The following P2RX4 variants were observed in gnomAD, a reference collection of about 807,000 sequenced individuals.
P2RX4 encodes P2X purinoceptor 4.
P2RX4 carries 37 observed loss-of-function variants against 48.0 expected under a neutral mutation model. That is an observed-to-expected ratio of 0.77 (90% confidence interval 0.59 to 1.01). The LOEUF (loss-of-function observed/expected upper bound fraction) is 1.01, where lower values mean the gene tolerates loss of function less well. Among genes scored for constraint, P2RX4 ranks in the 50% least tolerant of loss-of-function variants. P2RX4 has a pLI of 0.00. For synonymous variants in P2RX4, 200 were observed against 199.7 expected, an observed-to-expected ratio of 1.00 and a Z score of -0.01; for missense variants, 501 against 521.4, an observed-to-expected ratio of 0.96 and a Z score of 0.38.
rs550915688 is a variant in P2RX4, at chr12:121,232,905, T to G, written c.1045-92T>G. ...GAGTGCCTTTCCATTCCGGTAAAGATTCCAGGCTTCTCAGGAAGGGGCACG... is the reference window on the plus strand; with the variant it reads ...GAGTGCCTTTCCATTCCGGTAAAGAGTCCAGGCTTCTCAGGAAGGGGCACG... On this transcript the variant is annotated intron_variant, in intron 10 of 11. Coordinates refer to ENST00000337233, the MANE Select transcript of P2RX4 (RefSeq NM_002560.3). The surrounding 1 kb of genome is among the most constrained non-coding windows in gnomAD (Gnocchi z 4.3). The G allele has an allele frequency of 5.1e-6, 5 of 977,164 alleles. No individual in the cohort carries two copies. Among genetic ancestry groups the G allele is most frequent in the African/African-American group, 4.8e-5 (3 of 62,894 alleles). 60.5% of individuals were successfully genotyped at this position (977,164 alleles called of 1,614,324 possible).
intron 5 of P2RX4, among the ~76,000 whole-genome samples, chr12:121,225,962 G>A (rs1005922702): frequency 3.3e-5 from 5 of 151,456 alleles, no homozygotes; most frequent in Non-Finnish European, 4.4e-5. Context: ...CTGCAGCTTC[G>A]AACTCCTGGA....
At chr12:121,228,235 CA>C (rs957066775) in intron 5 of P2RX4, among the ~76,000 whole-genome samples, 1 of 151,344 alleles carries the variant, frequency 6.6e-6, no homozygotes, top group African/African-American at 2.4e-5. Context: ...ACTAAAAATA[CA>C]AAAAAAGTTA....
At chr12:121,217,382 C>G in intron 2 of P2RX4, 101 bp downstream of exon 2, 1 of 1,152,584 alleles carries the variant, frequency 8.7e-7, no homozygotes, top group South Asian at 1.3e-5. Context: ...CCTGACATCA[C>G]CAATGCCCAG....
chr12:121,230,970 T>TTA (rs56678017), intron 8 of P2RX4, among the ~76,000 whole-genome samples: 3,814 of 70,944 alleles, frequency 0.054, 78 homozygotes, highest in Non-Finnish European at 0.061. Flanking sequence ...TATATAGCCA[T>TTA]TATATATATA....
intron 8 of P2RX4, among the ~76,000 whole-genome samples, chr12:121,230,310 G>A: frequency 6.6e-6 from 1 of 152,236 alleles, no homozygotes; most frequent in Non-Finnish European, 1.5e-5. Context: ...TTGAGCCAGG[G>A]AGGCAGAGGT....
intron 2 of P2RX4, among the ~76,000 whole-genome samples, chr12:121,221,120 G>A (rs937441224): frequency 4.0e-5 from 6 of 151,502 alleles, no homozygotes; most frequent in Admixed American, 1.3e-4. Flanking sequence ...ACAGGTGCCC[G>A]CCACCACACC....
chr12:121,233,191 T>C, intron 11 of P2RX4, 99 bp downstream of exon 11: 2 of 820,428 alleles, frequency 2.4e-6, no homozygotes, highest in East Asian at 4.8e-5. Flanking sequence ...CTGCAGAGGC[T>C]GGCACCAGTG....
chr12:121,217,085 A>G, intron 1 of P2RX4, 49 bp from the exon 2 acceptor site: 4 of 1,591,580 alleles, frequency 2.5e-6, no homozygotes, highest in Non-Finnish European at 3.4e-6. Flanking sequence ...CATCAATTCA[A>G]ATCCATTGAA....
intron 1 of P2RX4, chr12:121,212,812 A>ATTTTTTTTTTTTTT (rs1374819479): frequency 3.0e-5 from 1 of 33,020 alleles, no homozygotes; most frequent in African/African-American, 1.4e-4. Context: ...ATATATATAT[A>ATTTTTTTTTTTTTT]TATATATATA....
chr12:121,225,592 T>TA, intron 5 of P2RX4, among the ~76,000 whole-genome samples: 1 of 151,882 alleles, frequency 6.6e-6, no homozygotes, highest in East Asian at 2.0e-4. Flanking sequence ...TTTGTATTTT[T>TA]AGTAGAGAGG....
intron 5 of P2RX4, among the ~76,000 whole-genome samples, chr12:121,225,690 C>T (rs539033378): frequency 3.0e-4 from 45 of 152,154 alleles, no homozygotes; most frequent in African/African-American, 9.9e-4. Context: ...GGATTGCACG[C>T]GTGAGTCACC....
At chr12:121,212,136 G>A (rs940949703) in intron 1 of P2RX4, among the ~76,000 whole-genome samples, 2 of 152,196 alleles carry the variant, frequency 1.3e-5, no homozygotes, top group Non-Finnish European at 1.5e-5. Flanking sequence ...AGATCCCCCC[G>A]TCTTTGGGGT....
intron 1 of P2RX4, chr12:121,212,791 AATATATATATATATATATAT>A (rs779333692): frequency 1.7e-5 from 1 of 60,474 alleles, no homozygotes; most frequent in Non-Finnish European, 2.8e-5. Context: ...CTCCATCTCA[AATATATATATATATATATAT>A]ATATATATAT....
chr12:121,228,682 G>A (rs749741944), intron 6 of P2RX4, 43 bp from the exon 7 acceptor site: 2 of 1,613,530 alleles, frequency 1.2e-6, no homozygotes, highest in Admixed American at 3.3e-5. Context: ...TCTCTTCTCT[G>A]AGGTTTTCGT....
rs754441395 is a variant in P2RX4 at position 121,210,174 on chromosome 12, T to C, written c.10T>C (p.Cys4Arg). ...AGCGGGCGGCGCGGCCATGGCGGGC[T>C]GCTGCGCCGCGCTGGCGGCCTTCCT... The part of the protein sequence containing the change: MAG[C>R]CAALAAFLFE... The change falls in exon 1 of 12, where the codon TGC (cysteine) becomes CGC (arginine). Residue 4 changes from cysteine to arginine, a missense_variant. By Grantham distance (180) the Cys-to-Arg change is radical. Coordinates refer to ENST00000337233, the MANE Select transcript of P2RX4 (RefSeq NM_002560.3). 6.6e-7 allele frequency: 1 copy of C among 1,522,006 alleles called. No individual in the cohort carries two copies. The highest frequency in any genetic ancestry group is 8.8e-7 in the Non-Finnish European group (1 of 1,142,438). 94.3% of individuals were successfully genotyped at this position (1,522,006 alleles called of 1,614,324 possible).
At chr12:121,217,408 C>A in intron 2 of P2RX4, 127 bp downstream of exon 2, 2 of 971,136 alleles carry the variant, frequency 2.1e-6, no homozygotes, top group South Asian at 1.5e-5. Flanking sequence ...TTGTTTTAGT[C>A]CAAGAAAACG....
At chr12:121,226,315 G>C (rs1389010541) in intron 5 of P2RX4, among the ~76,000 whole-genome samples, 1 of 151,952 alleles carries the variant, frequency 6.6e-6, no homozygotes, top group Non-Finnish European at 1.5e-5. Flanking sequence ...AGGCAGAGAC[G>C]GGTGGATCAC....
Position 121,232,741 on chromosome 12 carries a change from C to A in P2RX4, c.1044+65C>A. ...TGAGACCCTGGGCTGGGGTCCTGGT[C>A]CTGGCCCTAGGCCCTAGACCTCAGA... On this transcript the variant is annotated intron_variant, in intron 10 of 11. Coordinates refer to ENST00000337233, the MANE Select transcript of P2RX4 (RefSeq NM_002560.3). The surrounding 1 kb of genome is among the most constrained non-coding windows in gnomAD (Gnocchi z 4.3). 7.3e-7 allele frequency: 1 copy of A among 1,378,692 alleles called. No homozygotes were observed. The highest frequency in any genetic ancestry group is 1.0e-6 in the Non-Finnish European group (1 of 967,054). 85.4% of individuals were successfully genotyped at this position (1,378,692 alleles called of 1,614,324 possible). A position where few individuals can be genotyped will look rare whatever the true frequency, so the allele number is the denominator to read the frequency against.
At chr12:121,233,465 C>T (rs1887502112) in intron 11 of P2RX4, 58 bp from the exon 12 acceptor site, 1 of 1,568,622 alleles carries the variant, frequency 6.4e-7, no homozygotes. Flanking sequence ...GCACCTCCCT[C>T]CCGCCTGCCA....
Sources: gnomAD v4.1 joint callset for allele counts (sites outside exome capture counted in the v4.1 genomes callset) on GRCh38, gnomAD v4.1.1 for gene constraint, Gnocchi (gnomAD v3.1) non-coding constraint, MANE v1.5 for transcripts, NCBI Gene and HGNC (gene_info 2026-07-23, HGNC 2026-07-21) for gene names.